The following ENTREP1 variants were observed in gnomAD, a reference collection of about 807,000 sequenced individuals.
ENTREP1 encodes Friedreich ataxia region gene X123.
chr9:69,324,696 C>CT, the ENTREP1 span: 1 of 983,920 alleles, frequency 1.0e-6, no homozygotes, highest in Non-Finnish European at 1.2e-6. Flanking sequence ...AAGTCCTTGG[C>CT]TTACACCTCT....
At chr9:69,386,279 A>G in the ENTREP1 span, 202 of 179,118 alleles carry the variant, frequency 1.1e-3, 1 homozygote, top group Middle Eastern at 0.021. Context: ...CTATAGGAAT[A>G]TGCATTGTCT....
chr9:69,375,485 CAG>C, the ENTREP1 span, among the ~76,000 whole-genome samples: 1 of 152,134 alleles, frequency 6.6e-6, no homozygotes, highest in Admixed American at 6.5e-5. Context: ...AGTATGAAAA[CAG>C]GAAGTTCTCA....
the ENTREP1 span, among the ~76,000 whole-genome samples, chr9:69,367,740 T>C: frequency 1.5e-3 from 160 of 109,002 alleles, 1 homozygote; most frequent in Middle Eastern, 0.013. Context: ...AATATATATA[T>C]ACACATATAT....
the ENTREP1 span, among the ~76,000 whole-genome samples, chr9:69,366,078 ATTT>A: frequency 6.6e-6 from 1 of 152,024 alleles, no homozygotes; most frequent in Non-Finnish European, 1.5e-5. Flanking sequence ...TGGTAACTCC[ATTT>A]TTATTTTTTG....
chr9:69,342,072 T>C, the ENTREP1 span, among the ~76,000 whole-genome samples: 1 of 152,168 alleles, frequency 6.6e-6, no homozygotes, highest in Non-Finnish European at 1.5e-5. Context: ...CATTATAAGC[T>C]CCCTGTATAT....
the ENTREP1 span, chr9:69,325,283 CCCGGCCG>C: frequency 3.1e-5 from 1 of 32,510 alleles, no homozygotes. Flanking sequence ...GCCGGCCGCA[CCCGGCCG>C]CACCCTTCCC....
chr9:69,367,764 C>T, the ENTREP1 span, among the ~76,000 whole-genome samples: 6 of 79,276 alleles, frequency 7.6e-5, no homozygotes, highest in Non-Finnish European at 1.4e-4. Flanking sequence ...TATATATATA[C>T]ACATATATAT....
chr9:69,388,842 A>G, the ENTREP1 span, among the ~76,000 whole-genome samples: 3 of 152,330 alleles, frequency 2.0e-5, no homozygotes, highest in East Asian at 5.8e-4. Context: ...GACATAGGTG[A>G]ATTTTAATAT....
the ENTREP1 span, among the ~76,000 whole-genome samples, chr9:69,341,610 T>TA: frequency 2.0e-5 from 3 of 152,186 alleles, no homozygotes; most frequent in Non-Finnish European, 4.4e-5. Context: ...ATAGAATACT[T>TA]AGACACTTTG....
the ENTREP1 span, among the ~76,000 whole-genome samples, chr9:69,364,374 C>T: frequency 2.4e-5 from 3 of 122,698 alleles, no homozygotes; most frequent in African/African-American, 6.4e-5. Context: ...AGAGAAACTC[C>T]GATCCCCTGC....
chr9:69,337,005 CTTTTTTTTT>C, the ENTREP1 span, among the ~76,000 whole-genome samples: 5 of 55,986 alleles, frequency 8.9e-5, no homozygotes, highest in East Asian at 5.2e-4. Context: ...GCTGTTATTC[CTTTTTTTTT>C]TTTTTTTTTT....
At chr9:69,338,420 AT>A in the ENTREP1 span, among the ~76,000 whole-genome samples, 1 of 152,248 alleles carries the variant, frequency 6.6e-6, no homozygotes, top group Non-Finnish European at 1.5e-5. Context: ...CTTCAATGGT[AT>A]TTGTACTTTG....
the ENTREP1 span, among the ~76,000 whole-genome samples, chr9:69,337,807 A>C: frequency 6.6e-6 from 1 of 152,176 alleles, no homozygotes; most frequent in South Asian, 2.1e-4. Context: ...TCTCTATAAT[A>C]TCTCTTATTT....
chr9:69,366,166 C>T, the ENTREP1 span, among the ~76,000 whole-genome samples: 1 of 152,116 alleles, frequency 6.6e-6, no homozygotes, highest in East Asian at 1.9e-4. Context: ...CAGTTCCTTT[C>T]TCTGCACATC....
At chr9:69,360,349 C>T in the ENTREP1 span, among the ~76,000 whole-genome samples, 2 of 152,178 alleles carry the variant, frequency 1.3e-5, no homozygotes, top group Admixed American at 6.6e-5. Context: ...TTCTCTGTTA[C>T]ATTTCGCCCC....
At chr9:69,382,752 A>G in the ENTREP1 span, 3 of 152,448 alleles carry the variant, frequency 2.0e-5, no homozygotes, top group East Asian at 1.9e-4. Context: ...TTCAGAGAAC[A>G]CTGCTCCCCA....
chr9:69,375,692 T>C, the ENTREP1 span: 1 of 1,521,044 alleles, frequency 6.6e-7, no homozygotes, highest in African/African-American at 1.4e-5. Context: ...AGGGTATTTT[T>C]TCTTAATAAT....
chr9:69,329,146 A>G, the ENTREP1 span, among the ~76,000 whole-genome samples: 1 of 152,228 alleles, frequency 6.6e-6, no homozygotes, highest in Non-Finnish European at 1.5e-5. Flanking sequence ...GTGCCAACTT[A>G]TGTCTAAGGT....
the ENTREP1 span, among the ~76,000 whole-genome samples, chr9:69,347,464 A>G: frequency 6.6e-6 from 1 of 152,308 alleles, no homozygotes; most frequent in Admixed American, 6.5e-5. Context: ...ACCCACACGA[A>G]AAAAGGGAAA....
Sources: allele counts gnomAD v4.1 joint callset (sites outside exome capture counted in the v4.1 genomes callset), GRCh38; gene constraint gnomAD v4.1.1; transcripts MANE v1.5; gene names NCBI Gene and HGNC (gene_info 2026-07-23, HGNC 2026-07-21).